The following RCC1L variants were observed in gnomAD, a reference collection of about 807,000 sequenced individuals.
RCC1L encodes the protein RCC1 like.
In RCC1L, 46 loss-of-function variants were observed where a neutral mutation model predicts 58.6. That is an observed-to-expected ratio of 0.79 (90% confidence interval 0.62 to 1.00). The LOEUF is 1.00. Ranked by LOEUF, RCC1L falls within the 50% of genes least tolerant of loss-of-function variation. The pLI is 0.00. For synonymous variants in RCC1L, 281 were observed against 262.9 expected, an observed-to-expected ratio of 1.07 and a Z score of -0.67; for missense variants, 636 against 623.6, an observed-to-expected ratio of 1.02 and a Z score of -0.21.
chr7:75,061,091 A>G, intron 6 of RCC1L, 116 bp downstream of exon 6: 1 of 863,996 alleles, frequency 1.2e-6, no homozygotes, highest in Non-Finnish European at 2.0e-6. Context: ...AAGTGATAAG[A>G]GGTAAGAGCT....
chr7:75,028,974 G>C (rs1805221269), intron 10 of RCC1L, among the ~76,000 whole-genome samples: 1 of 151,084 alleles, frequency 6.6e-6, no homozygotes, highest in African/African-American at 2.4e-5. Context: ...GGGATCAGAG[G>C]CTTCCAGTGT....
intron 7 of RCC1L, chr7:75,058,042 C>A: frequency 3.6e-6 from 1 of 280,748 alleles, no homozygotes; most frequent in Non-Finnish European, 6.9e-6. Context: ...CCTGTAGTCC[C>A]AGCTACTCGG....
rs1308443000 is a variant in RCC1L at position 75,058,757 on chromosome 7, T to C, written c.800A>G (p.Tyr267Cys). The change falls in exon 7 of 11, where the codon TAC becomes TGC. Residue 267 changes from tyrosine to cysteine, a missense_variant. Physicochemically the swap from Tyr to Cys is radical, Grantham distance 194. Coordinates refer to ENST00000610322, the MANE Select transcript of RCC1L (RefSeq NM_030798.5). ...GADGQTGLGHYNITSSPTKLG... is the reference protein window; with the variant it reads ...GADGQTGLGHCNITSSPTKLG... ...CTTGGTGGGCGAGCTGGTGATATTG[T>C]AGTGACCCAGACCTAACACAGTGGA... is the stretch of plus-strand genomic sequence containing the variant. 6.2e-7 allele frequency: 1 copy of C among 1,613,972 alleles called. No homozygotes were observed. The highest frequency in any genetic ancestry group is 1.7e-5 in the Admixed American group (1 of 60,018).
downstream of RCC1L, among the ~76,000 whole-genome samples, chr7:75,038,283 G>A (rs944634184): frequency 2.2e-4 from 34 of 152,224 alleles, no homozygotes; most frequent in African/African-American, 7.0e-4. Context: ...ACAGAGTCTC[G>A]CTCTGTCACC....
In RCC1L at chr7:75,058,538, A is replaced by G; in HGVS notation, c.969+50T>C. The G allele has an allele frequency of 2.6e-6, 4 of 1,553,164 alleles. No individual in the cohort carries two copies. The South Asian group carries it at 3.5e-5, about 14-fold the overall frequency. Reference sequence around the variant, plus strand: ...GAGCCACCACACCCGGCCCCTTAACACTTTAATGTTTCCAAACCTCCCAGC... The same window carrying G: ...GAGCCACCACACCCGGCCCCTTAACGCTTTAATGTTTCCAAACCTCCCAGC... On this transcript the variant is annotated intron_variant, in intron 7 of 10. Coordinates refer to ENST00000610322, the MANE Select transcript of RCC1L (RefSeq NM_030798.5).
downstream of RCC1L, among the ~76,000 whole-genome samples, chr7:75,037,673 T>G (rs1805458824): frequency 6.6e-6 from 1 of 151,878 alleles, no homozygotes; most frequent in Non-Finnish European, 1.5e-5. Flanking sequence ...CCCAGCTAAT[T>G]TTTGTAGTTT....
chr7:75,033,232 G>A (rs1425968259), intron 10 of RCC1L, among the ~76,000 whole-genome samples: 1 of 152,178 alleles, frequency 6.6e-6, no homozygotes, highest in African/African-American at 2.4e-5. Flanking sequence ...TACAAGGGAT[G>A]CAGTGCTAGG....
At chr7:75,036,837 A>G (rs1181746039) in intron 10 of RCC1L, among the ~76,000 whole-genome samples, 2 of 152,082 alleles carry the variant, frequency 1.3e-5, no homozygotes, top group Non-Finnish European at 2.9e-5. Context: ...CAAAAGGCAG[A>G]GCTTGCAGTG....
intron 1 of RCC1L, among the ~76,000 whole-genome samples, chr7:75,072,793 A>G (rs1806812388): frequency 6.6e-6 from 1 of 152,148 alleles, no homozygotes. Context: ...TCTAGCAAAC[A>G]TGGCGAAACC....
intron 10 of RCC1L, among the ~76,000 whole-genome samples, chr7:75,035,697 A>G (rs933706464): frequency 2.6e-5 from 4 of 151,864 alleles, no homozygotes; most frequent in Non-Finnish European, 5.9e-5. Flanking sequence ...GCAAAATGTT[A>G]TATTATATAT....
chr7:75,066,956 A>G (rs1443060012), intron 2 of RCC1L, among the ~76,000 whole-genome samples, 164 bp from the exon 3 acceptor site: 1 of 152,230 alleles, frequency 6.6e-6, no homozygotes, highest in East Asian at 1.9e-4. Flanking sequence ...CCCAACTCCC[A>G]GCCCATGGCA....
chr7:75,029,448 A>AT (rs1233509797), intron 10 of RCC1L, among the ~76,000 whole-genome samples: 2 of 146,802 alleles, frequency 1.4e-5, no homozygotes, highest in African/African-American at 5.1e-5. Flanking sequence ...GGTTCAAGTG[A>AT]TTCTCCTGCC....
chr7:75,056,638 TG>T, intron 8 of RCC1L: 1 of 1,535,418 alleles, frequency 6.5e-7, no homozygotes, highest in South Asian at 1.2e-5. Context: ...GGAGTCTCTC[TG>T]GCCCAGGCTA....
intron 6 of RCC1L, among the ~76,000 whole-genome samples, chr7:75,059,909 C>T (rs970773002): frequency 2.0e-5 from 3 of 152,026 alleles, no homozygotes; most frequent in Non-Finnish European, 4.4e-5. Flanking sequence ...TACAGGCGCC[C>T]GCCACCATGC....
chr7:75,036,839 C>T lies in RCC1L; in HGVS notation c.1318-8760G>A, dbSNP rs1478366720. ...CACTTGAACCACCCAAAAGGCAGAG[C>T]TTGCAGTGAGCTGAGATCGCACCAC... is the stretch of plus-strand genomic sequence containing the variant. On this transcript the variant is annotated intron_variant, in intron 10 of 10. Coordinates refer to the RCC1L transcript ENST00000614461. Among the ~76,000 whole-genome samples, 3 of 152,064 alleles carry T rather than the reference C, an allele frequency of 2.0e-5. No homozygotes were observed. The East Asian group carries it at 5.8e-4, about 29-fold the overall frequency.
chr7:75,051,481 T>C lies in RCC1L; in HGVS notation c.1317+1230A>G, dbSNP rs1805915396. ...GGCTGGAGTGCAGCAGCGTCTGATC[T>C]TGGCTCACTGCAACCTCTGCCTCCC... On this transcript the variant is annotated intron_variant, in intron 10 of 10. Transcript: ENST00000610322. Among the ~76,000 whole-genome samples the C allele has an allele frequency of 3.3e-5, 5 of 152,030 alleles. 1 individual carries two copies. In the South Asian group the frequency reaches 1.0e-3, roughly 32 times the overall value.
In RCC1L at chr7:75,042,243, T is replaced by C. The variant is rs1387910658; in HGVS notation, c.*789A>G. 5 of 985,360 alleles carry C rather than the reference T, an allele frequency of 5.1e-6. No individual in the cohort carries two copies. In the East Asian group the frequency reaches 5.7e-4, roughly 111 times the overall value. The allele number at this position is 985,360 out of a possible 1,614,324, so 61.0% of individuals were successfully genotyped here. A position where few individuals can be genotyped will look rare whatever the true frequency, so the allele number is the denominator to read the frequency against. On this transcript the variant is annotated 3_prime_UTR_variant, in exon 11 of 11. Transcript: ENST00000610322. ...AAGACAGATTTGTAAAAGATGTTTT[T>C]AAAGGGAAAGGCAAGTCACGCTACT...
chr7:75,047,020 C>T (rs1046229804), intron 10 of RCC1L, among the ~76,000 whole-genome samples: 1 of 152,004 alleles, frequency 6.6e-6, no homozygotes, highest in South Asian at 2.1e-4. Context: ...TGCAGTGGCA[C>T]GATCTCGGCT....
downstream of RCC1L, chr7:75,042,016 G>C (rs1320811137): frequency 9.5e-6 from 3 of 315,736 alleles, no homozygotes; most frequent in African/African-American, 6.8e-5. Context: ...CCAGGGGTTG[G>C]AGCCTAAGCA....
Sources: allele counts gnomAD v4.1 joint callset (sites outside exome capture counted in the v4.1 genomes callset), GRCh38; gene constraint gnomAD v4.1.1; transcripts MANE v1.5; gene names NCBI Gene and HGNC (gene_info 2026-07-23, HGNC 2026-07-21).